The following VAV2 variants were observed in gnomAD, a reference collection of about 807,000 sequenced individuals.
The protein encoded by VAV2 is guanine nucleotide exchange factor VAV2.
VAV2 carries 67 observed loss-of-function variants against 132.5 expected under a neutral mutation model. The observed-to-expected ratio is 0.51, with a 90% CI of 0.42 to 0.62. VAV2 has a LOEUF of 0.62. Ranked by LOEUF, VAV2 falls within the 20% of genes least tolerant of loss-of-function variation. The pLI is 0.00. For missense variants in VAV2, 938 were observed against 1,153.6 expected, an observed-to-expected ratio of 0.81 and a Z score of 2.71; for synonymous variants, 492 against 443.5, an observed-to-expected ratio of 1.11 and a Z score of -1.37.
chr9:133,807,429 T>C, intron 7 of VAV2, 103 bp from the exon 8 acceptor site: 1 of 1,211,478 alleles, frequency 8.3e-7, no homozygotes, highest in Non-Finnish European at 1.1e-6. Context: ...AGGCAGGCAC[T>C]GGGGTGCTCC....
At chr9:133,880,148 T>C (rs1420309296) in intron 2 of VAV2, among the ~76,000 whole-genome samples, 1 of 152,180 alleles carries the variant, frequency 6.6e-6, no homozygotes, top group Non-Finnish European at 1.5e-5. Context: ...GAAGAGGGGC[T>C]AGGCATCCCT....
chr9:133,981,132 C>T (rs893555637), intron 1 of VAV2, among the ~76,000 whole-genome samples: 1 of 152,206 alleles, frequency 6.6e-6, no homozygotes, highest in Non-Finnish European at 1.5e-5. Flanking sequence ...GAGGCCCCTT[C>T]TTCAGCGTCC....
rs140064059 is a variant in VAV2 at position 133,764,089 on chromosome 9, C to G, written c.2610G>C (p.Thr870=). Residue 870 remains threonine (T), a synonymous_variant, in exon 30 of 30, where the codon ACG becomes ACC. Coordinates refer to ENST00000371850, the MANE Select transcript of VAV2 (RefSeq NM_001134398.2). The stretch of plus-strand genomic sequence containing the variant: ...ACTGGATGCCCTCCTCTTCTACGTA[C>G]GTTGAAGGAAACCAGCCAATCTGAA... ...TNGRIGWFPS[T]YVEEEGIQ is the part of the protein sequence containing the mutation. The G allele has an allele frequency of 4.3e-5, 69 of 1,613,662 alleles. No individual in the cohort carries two copies. The highest frequency in any genetic ancestry group is 5.6e-5 in the Non-Finnish European group (66 of 1,179,952).
At chr9:133,968,578 G>A (rs1481177406) in intron 1 of VAV2, among the ~76,000 whole-genome samples, 3 of 152,236 alleles carry the variant, frequency 2.0e-5, no homozygotes, top group South Asian at 2.1e-4. Context: ...ATCCCCGGGG[G>A]CCTGGACAGA....
At chr9:133,916,520 G>A (rs1215186529) in intron 2 of VAV2, among the ~76,000 whole-genome samples, 1 of 152,178 alleles carries the variant, frequency 6.6e-6, no homozygotes, top group Non-Finnish European at 1.5e-5. Context: ...TTGCTGGGAA[G>A]CTGGGCAGTT....
At chr9:133,931,459 C>T (rs980496883) in intron 2 of VAV2, among the ~76,000 whole-genome samples, 2 of 151,956 alleles carry the variant, frequency 1.3e-5, no homozygotes, top group Non-Finnish European at 2.9e-5. Context: ...ACACGTCCTT[C>T]CCTCTTCCCT....
Position 133,789,297 on chromosome 9 carries a change from A to G in VAV2, c.1235T>C (p.Leu412Pro). The G allele has an allele frequency of 6.2e-7, 1 of 1,614,124 alleles. No homozygotes were observed. The highest frequency in any genetic ancestry group is 8.5e-7 in the Non-Finnish European group (1 of 1,180,028). ...GTGGTTGACTATGGACCGGACTTTC[A>G]GTTCCCCGTCAATCTTTGGTCTTCC... ...EFGRPKIDGE[L>P]KVRSIVNHTK... The change falls in exon 14 of 30, where the codon CTG becomes CCG. Residue 412 changes from leucine to proline, a missense_variant. Transcript: ENST00000371850.
chr9:133,770,436 G>A lies in VAV2; in HGVS notation c.2289C>T (p.Leu763=), dbSNP rs1237227253. 1 of 1,614,174 alleles carries A rather than the reference G, an allele frequency of 6.2e-7. No individual in the cohort carries two copies. Among genetic ancestry groups the A allele is most frequent in the South Asian group, 1.1e-5 (1 of 91,080 alleles). The change falls in exon 27 of 30, where the codon CTC becomes CTT. Residue 763 remains leucine (L), a synonymous_variant. Transcript: ENST00000371850. ...KESFKQLDTT[L]KYPYKSRERS... ...GTTCCCGGGACTTGTAGGGGTACTT[G>A]AGTGTGGTGTCCAGCTGCTTGAAGC...
chr9:133,941,721 AG>A (rs956493678), intron 1 of VAV2, among the ~76,000 whole-genome samples: 6 of 151,500 alleles, frequency 4.0e-5, no homozygotes, highest in African/African-American at 1.2e-4. Context: ...CTCCTGCCTG[AG>A]CCTCCCGAGT....
intron 4 of VAV2, among the ~76,000 whole-genome samples, chr9:133,819,520 A>G (rs1386383165): frequency 6.6e-6 from 1 of 152,092 alleles, no homozygotes; most frequent in Admixed American, 6.5e-5. Flanking sequence ...TCTCTGGGAC[A>G]GAATCATCTT....
At chr9:133,909,028 C>T (rs1303235748) in intron 2 of VAV2, among the ~76,000 whole-genome samples, 1 of 152,180 alleles carries the variant, frequency 6.6e-6, no homozygotes, top group Non-Finnish European at 1.5e-5. Context: ...GTAAGAACAT[C>T]GAACTCAAAA....
At chr9:133,881,082 C>T (rs400924) in intron 2 of VAV2, among the ~76,000 whole-genome samples, 20,877 of 152,264 alleles carry the variant, frequency 0.14, 2,193 homozygotes, top group East Asian at 0.55. Context: ...GGCCCACCCA[C>T]GTCCCAGAGA....
In VAV2 at chr9:133,783,558, C is replaced by T; in HGVS notation, c.1668G>A (p.Lys556=). 1 of 1,614,042 alleles carries T rather than the reference C, an allele frequency of 6.2e-7. No homozygotes were observed. The highest frequency in any genetic ancestry group is 8.5e-7 in the Non-Finnish European group (1 of 1,179,976). ...ACTCCTTGTGTGCCCCGACGCCACA[C>T]TTGGTACACATGTATCCCTGGTAGA... ...GTFYQGYMCT[K]CGVGAHKECL... The change falls in exon 19 of 30, where the codon AAG becomes AAA. Residue 556 remains lysine, a synonymous_variant. Coordinates refer to ENST00000371850, the MANE Select transcript of VAV2 (RefSeq NM_001134398.2).
chr9:133,862,886 C>A (rs531538866), intron 2 of VAV2, among the ~76,000 whole-genome samples: 3 of 152,218 alleles, frequency 2.0e-5, no homozygotes, highest in Admixed American at 1.3e-4. Flanking sequence ...GAAAATGAAC[C>A]ATAGAGACGG....
intron 2 of VAV2, among the ~76,000 whole-genome samples, chr9:133,880,462 A>G (rs186825304): frequency 6.6e-6 from 1 of 152,204 alleles, no homozygotes; most frequent in African/African-American, 2.4e-5. Context: ...CGATGGTTTT[A>G]TAAAAGATGC....
Position 133,812,165 on chromosome 9 carries a change from T to C in VAV2, c.501A>G (p.Gly167=). 6.2e-7 allele frequency: 1 copy of C among 1,613,972 alleles called. No homozygotes were observed. Among genetic ancestry groups the C allele is most frequent in the Non-Finnish European group, 8.5e-7 (1 of 1,179,978 alleles). The change falls in exon 5 of 30, where the codon GGA becomes GGG. Residue 167 remains glycine (G), a synonymous_variant. Transcript: ENST00000371850. ...TGATGTCCTCGTAGATGTCGTCCCCTCCATCCTCACACGGGACGCAGTCGT... is the reference window on the plus strand; with the variant it reads ...TGATGTCCTCGTAGATGTCGTCCCCCCCATCCTCACACGGGACGCAGTCGT... ...DIYDCVPCED[G]GDDIYEDIIK...
Position 133,849,299 on chromosome 9 carries a change from T to C in VAV2, c.380+12075A>G, listed in dbSNP as rs544215109. Among the ~76,000 whole-genome samples the C allele has an allele frequency of 1.7e-3, 265 of 152,128 alleles. 1 individual carries two copies. The highest frequency in any genetic ancestry group is 6.3e-3 in the African/African-American group (260 of 41,490). ...CTCATCCCTGCTACCTGGAGGGGTG[T>C]CCTTGAACCCCAAACCTCCCCCACC... On this transcript the variant is annotated intron_variant, in intron 3 of 29. Transcript: ENST00000371850.
chr9:133,880,838 T>G (rs1298738748), intron 2 of VAV2, among the ~76,000 whole-genome samples: 2 of 152,220 alleles, frequency 1.3e-5, no homozygotes, highest in Non-Finnish European at 2.9e-5. Flanking sequence ...GGCTGCCCCT[T>G]TGGCAGGTCA....
chr9:133,952,691 A>C (rs1841601637), intron 1 of VAV2, among the ~76,000 whole-genome samples: 1 of 152,122 alleles, frequency 6.6e-6, no homozygotes, highest in Non-Finnish European at 1.5e-5. Context: ...CCTAGAAGAG[A>C]AGACAGAAGA....
Sources: allele counts gnomAD v4.1 joint callset (sites outside exome capture counted in the v4.1 genomes callset), GRCh38; gene constraint gnomAD v4.1.1; transcripts MANE v1.5; gene names NCBI Gene and HGNC (gene_info 2026-07-23, HGNC 2026-07-21).